LHFPL3: variants seen among roughly 807,000 people sequenced by gnomAD.
The protein encoded by LHFPL3 is LHFPL tetraspan subfamily member 3 protein.
A neutral mutation model predicts 19.3 loss-of-function variants in LHFPL3; 5 were observed. The ratio of observed to expected loss-of-function variants is 0.26; its 90% CI spans 0.14 to 0.54. The LOEUF (loss-of-function observed/expected upper bound fraction) is 0.54. Among genes scored for constraint, LHFPL3 ranks in the 20% least tolerant of loss-of-function variants. The pLI, the probability that LHFPL3 is intolerant of heterozygous loss-of-function variation, is 0.94. For missense variants in LHFPL3, 249 were observed against 307.4 expected, an observed-to-expected ratio of 0.81 and a Z score of 1.42; for synonymous variants, 133 against 126.2, an observed-to-expected ratio of 1.05 and a Z score of -0.36.
At chr7:104,403,735 CT>C (rs1791362070) in intron 1 of LHFPL3, among the ~76,000 whole-genome samples, 1 of 151,498 alleles carries the variant, frequency 6.6e-6, no homozygotes, top group Non-Finnish European at 1.5e-5. Context: ...TTCTCTCTCT[CT>C]CTCTCTCTCT....
chr7:104,637,917 T>G (rs963830109), intron 1 of LHFPL3, among the ~76,000 whole-genome samples: 1 of 151,516 alleles, frequency 6.6e-6, no homozygotes, highest in Non-Finnish European at 1.5e-5. Context: ...AGTGTTCTAG[T>G]CCCGTGAAGA....
chr7:104,901,276 C>T (rs1395737841), intron 2 of LHFPL3, among the ~76,000 whole-genome samples: 2 of 152,174 alleles, frequency 1.3e-5, no homozygotes, highest in African/African-American at 4.8e-5. Flanking sequence ...TTTTACTCCC[C>T]CAACAAAGTG....
At chr7:104,854,016 C>T (rs1791456714) in intron 2 of LHFPL3, among the ~76,000 whole-genome samples, 1 of 152,154 alleles carries the variant, frequency 6.6e-6, no homozygotes, top group African/African-American at 2.4e-5. Flanking sequence ...AAAAACAATT[C>T]TCCTTTTACC....
At chr7:104,633,960 T>G (rs2115860662) in intron 1 of LHFPL3, among the ~76,000 whole-genome samples, 1 of 152,348 alleles carries the variant, frequency 6.6e-6, no homozygotes, top group South Asian at 2.1e-4. Context: ...ATACAAAGAC[T>G]TCTTTGGTAG....
intron 2 of LHFPL3, among the ~76,000 whole-genome samples, chr7:104,894,413 C>A (rs769452948): frequency 2.0e-5 from 3 of 152,062 alleles, no homozygotes; most frequent in Non-Finnish European, 2.9e-5. Context: ...GATTTCTAAG[C>A]TTTTCTGGGA....
chr7:104,707,156 A>G (rs895701066), intron 1 of LHFPL3, among the ~76,000 whole-genome samples: 19 of 152,256 alleles, frequency 1.2e-4, no homozygotes, highest in African/African-American at 4.6e-4. Flanking sequence ...GTCTGACAGC[A>G]GATGGATGGA....
Position 104,805,648 on chromosome 7 carries a change from A to G in LHFPL3, c.682+68737A>G, listed in dbSNP as rs183910683. Among the ~76,000 whole-genome samples the G allele has an allele frequency of 2.3e-3, 350 of 152,374 alleles. 4 individuals carry two copies. Among genetic ancestry groups the G allele is most frequent in the African/African-American group, 7.8e-3 (325 of 41,600 alleles). ...ACTAAAGGAGGCTTCACAGAGCTGT[A>G]CAAAAGCTTCCAGCCACCAAAGCAC... On this transcript the variant is annotated intron_variant, in intron 2 of 2. Transcript: ENST00000424859.
Position 104,706,909 on chromosome 7 carries a change from G to A in LHFPL3, c.446-29766G>A, listed in dbSNP as rs1793200961. ...CTTATCTGCAATTGTGACACTCCAG[G>A]GGAGAGAGGGAGGAGGATAATGACT... On this transcript the variant is annotated intron_variant, in intron 1 of 2. Transcript: ENST00000424859. Among the ~76,000 whole-genome samples, 3 of 151,068 alleles carry A rather than the reference G, an allele frequency of 2.0e-5. No individual in the cohort carries two copies. The Admixed American group carries it at 2.0e-4, about 10-fold the overall frequency.
At chr7:104,428,882 A>T (rs762008209) in intron 1 of LHFPL3, among the ~76,000 whole-genome samples, 2 of 152,182 alleles carry the variant, frequency 1.3e-5, no homozygotes, top group Non-Finnish European at 2.9e-5. Context: ...TATCTTCGGA[A>T]TCTACCCTTA....
At chr7:104,559,488 T>G (rs1206973518) in intron 1 of LHFPL3, among the ~76,000 whole-genome samples, 2 of 149,934 alleles carry the variant, frequency 1.3e-5, no homozygotes, top group East Asian at 3.9e-4. Flanking sequence ...GTTTGTCTGT[T>G]GTTGGTGTAT....
chr7:104,534,674 A>G (rs973109403), intron 1 of LHFPL3, among the ~76,000 whole-genome samples: 7 of 152,216 alleles, frequency 4.6e-5, no homozygotes, highest in Non-Finnish European at 8.8e-5. Context: ...TCTGTAGAGT[A>G]CTAGACAAAA....
intron 1 of LHFPL3, among the ~76,000 whole-genome samples, chr7:104,429,823 A>G (rs938172480): frequency 2.0e-5 from 3 of 152,162 alleles, no homozygotes; most frequent in Admixed American, 1.3e-4. Flanking sequence ...TCAACAAAGA[A>G]TAATGCAGGT....
chr7:104,348,463 T>A (rs1277603705), intron 1 of LHFPL3, among the ~76,000 whole-genome samples: 1 of 152,258 alleles, frequency 6.6e-6, no homozygotes, highest in African/African-American at 2.4e-5. Context: ...TGTTTTAACA[T>A]CTTGTGTATA....
At chr7:104,719,010 A>T (rs1268063106) in intron 1 of LHFPL3, among the ~76,000 whole-genome samples, 2 of 152,208 alleles carry the variant, frequency 1.3e-5, no homozygotes, top group African/African-American at 4.8e-5. Flanking sequence ...TTTAGATTTT[A>T]GCTTGTGAAA....
chr7:104,511,344 A>G (rs555384457), intron 1 of LHFPL3, among the ~76,000 whole-genome samples: 1 of 152,142 alleles, frequency 6.6e-6, no homozygotes, highest in Non-Finnish European at 1.5e-5. Context: ...AAACTTAATC[A>G]CTCATACATA....
rs1045894994 is a variant in LHFPL3 at position 104,328,684 on chromosome 7, C to A, written c.-96C>A. ...GGCTGAGGCGGAGGCAGGGGAGTTG[C>A]AGCGCGCGAGGCTCCGTGAGTGTGT... On this transcript the variant is annotated 5_prime_UTR_variant, in exon 1 of 3. Transcript: ENST00000424859. The surrounding 1 kb of genome is among the most constrained non-coding windows in gnomAD (Gnocchi z 4.6). The A allele has an allele frequency of 1.6e-5, 18 of 1,099,348 alleles. No homozygotes were observed. Among genetic ancestry groups the A allele is most frequent in the East Asian group, 5.2e-5 (2 of 38,788 alleles). The allele number at this position is 1,099,348 out of a possible 1,614,324, so 68.1% of individuals were successfully genotyped here. A position where few individuals can be genotyped will look rare whatever the true frequency, so the allele number is the denominator to read the frequency against.
chr7:104,440,513 T>G (rs10085403), intron 1 of LHFPL3, among the ~76,000 whole-genome samples: 57,202 of 151,650 alleles, frequency 0.38, 13,006 homozygotes, highest in African/African-American at 0.63. Context: ...TGTATACATA[T>G]GTAACAAACC....
chr7:104,616,330 G>A (rs920829030), intron 1 of LHFPL3, among the ~76,000 whole-genome samples: 17 of 152,044 alleles, frequency 1.1e-4, no homozygotes, highest in African/African-American at 2.2e-4. Flanking sequence ...CAGAAATAAC[G>A]CCACACATCT....
At chr7:104,825,958 G>C (rs2116542266) in intron 2 of LHFPL3, among the ~76,000 whole-genome samples, 1 of 151,974 alleles carries the variant, frequency 6.6e-6, no homozygotes, top group Admixed American at 6.5e-5. Context: ...GGAAAAGTTA[G>C]GACTTTAGCT....
Sources: allele counts gnomAD v4.1 joint callset (sites outside exome capture counted in the v4.1 genomes callset), GRCh38; gene constraint gnomAD v4.1.1; non-coding constraint Gnocchi (gnomAD v3.1); transcripts MANE v1.5; gene names NCBI Gene and HGNC (gene_info 2026-07-23, HGNC 2026-07-21).